The following ZNF514 variants were observed in gnomAD, a reference collection of about 807,000 sequenced individuals.
The protein encoded by ZNF514 is zinc finger protein 514.
ZNF514 carries 12 observed loss-of-function variants against 9.7 expected under a neutral mutation model. The observed-to-expected ratio is 1.24, with a 90% CI of 0.79 to 2.01. The LOEUF is 2.01. Among genes scored for constraint, ZNF514 ranks in the 30% most tolerant of loss-of-function variants. The pLI, the probability that ZNF514 is intolerant of heterozygous loss-of-function variation, is 0.00. For missense variants in ZNF514, 467 were observed against 465.5 expected (o/e 1.00, Z -0.03); for synonymous variants, 158 against 163.7 (o/e 0.97, Z 0.27).
downstream of ZNF514, among the ~76,000 whole-genome samples, chr2:95,144,266 G>T (rs1166436476): frequency 5.3e-5 from 8 of 152,252 alleles, no homozygotes; most frequent in East Asian, 1.5e-3. Flanking sequence ...ACTGACAGTT[G>T]GCCTCTACTT....
At chr2:95,153,799 A>T (rs1673609979) in intron 2 of ZNF514, 1 of 152,356 alleles carries the variant, frequency 6.6e-6, no homozygotes, top group African/African-American at 2.4e-5. Context: ...GGTCCTGGCC[A>T]GAACTATCCT....
chr2:95,151,693 G>A (rs1673550603), intron 4 of ZNF514, among the ~76,000 whole-genome samples: 1 of 152,184 alleles, frequency 6.6e-6, no homozygotes, highest in Non-Finnish European at 1.5e-5. Flanking sequence ...GGTCCCAGAG[G>A]CCAGTCAGAG....
In ZNF514 at chr2:95,148,956, T is replaced by G. The variant is rs535059730; in HGVS notation, c.*326A>C. Reference sequence around the variant, plus strand: ...AAGAATCAGTATGTAACTGAAGGCTTGCCACACTCACTGCATTGATAAGGC... The same window carrying G: ...AAGAATCAGTATGTAACTGAAGGCTGGCCACACTCACTGCATTGATAAGGC... On this transcript the variant is annotated 3_prime_UTR_variant, in exon 5 of 5. Coordinates refer to ENST00000295208, the MANE Select transcript of ZNF514 (RefSeq NM_032788.3). The G allele has an allele frequency of 7.4e-6, 2 of 271,122 alleles. No homozygotes were observed. The highest frequency in any genetic ancestry group is 9.6e-5 in the Admixed American group (2 of 20,928). The allele number at this position is 271,122 out of a possible 1,614,324, so 16.8% of individuals were successfully genotyped here.
At chr2:95,133,382 C>T in the ZNF514 span, among the ~76,000 whole-genome samples, 1 of 152,192 alleles carries the variant, frequency 6.6e-6, no homozygotes, top group Non-Finnish European at 1.5e-5. Context: ...TCACATACTG[C>T]ATGGCTTAAT....
chr2:95,140,262 C>G (rs1057316134), downstream of ZNF514, among the ~76,000 whole-genome samples: 2 of 151,990 alleles, frequency 1.3e-5, no homozygotes, highest in Non-Finnish European at 2.9e-5. Flanking sequence ...TGCACATGTA[C>G]CACAGAACTT....
rs774636700 is a variant in ZNF514, at chr2:95,149,599, C to T, written c.886G>A (p.Ala296Thr). 13 of 1,613,988 alleles carry T rather than the reference C, an allele frequency of 8.1e-6. No homozygotes were observed. The highest frequency in any genetic ancestry group is 1.1e-5 in the Non-Finnish European group (13 of 1,180,040). ...ATAAGGGATGAAGTGTGACCAAAGG[C>T]TCGTCCACATTCATTACATTTGTAG... Reference protein sequence around the residue: ...KPYKCNECGRAFGHTSSLIKH... With the variant: ...KPYKCNECGRTFGHTSSLIKH... Residue 296 changes from alanine to threonine, a missense_variant, in exon 5 of 5, where the codon GCC (alanine) becomes ACC (threonine). By Grantham distance (58) the Ala-to-Thr change is moderately conservative. Coordinates refer to ENST00000295208, the MANE Select transcript of ZNF514 (RefSeq NM_032788.3).
chr2:95,154,778 T>A (rs1324990419), intron 2 of ZNF514: 2 of 152,156 alleles, frequency 1.3e-5, no homozygotes, highest in Non-Finnish European at 2.9e-5. Context: ...CCAAAGACAA[T>A]ATACATCAGC....
chr2:95,149,419 T>G lies in ZNF514; in HGVS notation c.1066A>C (p.Ser356Arg). Residue 356 changes from serine to arginine, a missense_variant, in exon 5 of 5, where the codon AGT (serine) becomes CGT (arginine). Coordinates refer to ENST00000295208, the MANE Select transcript of ZNF514 (RefSeq NM_032788.3). ...CTGTAATGTTGAGTGAGAGATGAAC[T>G]CTGGCTGAAGGCTCTCCCACATTTA... ...CNKCGRAFSQSSSLTQHYRFH... is the reference protein window; with the variant it reads ...CNKCGRAFSQRSSLTQHYRFH... 6.2e-7 allele frequency: 1 copy of G among 1,614,150 alleles called. No individual in the cohort carries two copies. The highest frequency in any genetic ancestry group is 8.5e-7 in the Non-Finnish European group (1 of 1,180,012).
At chr2:95,131,558 A>G in the ZNF514 span, among the ~76,000 whole-genome samples, 1 of 152,294 alleles carries the variant, frequency 6.6e-6, no homozygotes, top group African/African-American at 2.4e-5. Flanking sequence ...TCTTCTTTCC[A>G]GTGTCGGGTG....
the ZNF514 span, among the ~76,000 whole-genome samples, chr2:95,133,673 A>G: frequency 6.6e-6 from 1 of 152,226 alleles, no homozygotes; most frequent in Non-Finnish European, 1.5e-5. Flanking sequence ...GCAATACAGT[A>G]TAACAACTAC....
chr2:95,150,489 G>A (rs983763052), intron 4 of ZNF514, among the ~76,000 whole-genome samples: 1 of 152,158 alleles, frequency 6.6e-6, no homozygotes, highest in Admixed American at 6.5e-5. Flanking sequence ...AAATCTGAGA[G>A]ATATGTGTTT....
chr2:95,152,707 C>T lies in ZNF514; in HGVS notation c.184G>A (p.Val62Met). Reference sequence around the variant, plus strand: ...GCTCCTGTTGAGATTTCTCTCTCCACCATGAAGGGCTCACCCCCTTCCTCC... The same window carrying T: ...GCTCCTGTTGAGATTTCTCTCTCCATCATGAAGGGCTCACCCCCTTCCTCC... ...QLEEGGEPFM[V>M]EREISTGAHS... The change falls in exon 4 of 5, where the codon GTG becomes ATG. Residue 62 changes from valine (V) to methionine (M), a missense_variant. Coordinates refer to ENST00000295208, the MANE Select transcript of ZNF514 (RefSeq NM_032788.3). The T allele has an allele frequency of 1.2e-6, 2 of 1,614,180 alleles. No homozygotes were observed. The highest frequency in any genetic ancestry group is 1.7e-6 in the Non-Finnish European group (2 of 1,180,034).
chr2:95,135,421 T>C, the ZNF514 span, among the ~76,000 whole-genome samples: 6 of 147,746 alleles, frequency 4.1e-5, no homozygotes, highest in African/African-American at 1.1e-4. Context: ...TTCTTTCTTT[T>C]TTTTTTTTTC....
At chr2:95,129,670 T>G in the ZNF514 span, among the ~76,000 whole-genome samples, 2 of 152,072 alleles carry the variant, frequency 1.3e-5, no homozygotes, top group Non-Finnish European at 2.9e-5. Context: ...GGACAGGGAT[T>G]CCACACCAGG....
At chr2:95,150,399 T>G (rs530975279) in intron 4 of ZNF514, 132 bp from the exon 5 acceptor site, 1 of 1,011,170 alleles carries the variant, frequency 9.9e-7, no homozygotes, top group African/African-American at 1.6e-5. Flanking sequence ...GACGTACAGA[T>G]TTTTTCAATA....
Position 95,149,541 on chromosome 2 carries a change from G to A in ZNF514, c.944C>T (p.Pro315Leu). The A allele has an allele frequency of 6.2e-7, 1 of 1,613,948 alleles. No homozygotes were observed. Among genetic ancestry groups the A allele is most frequent in the Non-Finnish European group, 8.5e-7 (1 of 1,179,976 alleles). The part of the protein sequence containing the change: ...KHQRTHTGEK[P>L]YECRECGRTF... Reference sequence around the variant, plus strand: ...TCTCCCACATTCCCGGCATTCATAGGGCTTTTCTCCAGTATGAGTCCTCTG... The same window carrying A: ...TCTCCCACATTCCCGGCATTCATAGAGCTTTTCTCCAGTATGAGTCCTCTG... Residue 315 changes from proline to leucine, a missense_variant, in exon 5 of 5, where the codon CCC becomes CTC. Transcript: ENST00000295208.
chr2:95,155,454 C>A (rs542415813), intron 2 of ZNF514: 1 of 152,364 alleles, frequency 6.6e-6, no homozygotes, highest in Admixed American at 6.5e-5. Context: ...CTACCATGGC[C>A]ATCCTGTCCC....
chr2:95,134,817 AG>A, the ZNF514 span, among the ~76,000 whole-genome samples: 1 of 152,346 alleles, frequency 6.6e-6, no homozygotes, highest in Non-Finnish European at 1.5e-5. Flanking sequence ...GTGGCTGTAC[AG>A]GTGTCCCAGC....
rs1025726035 is a variant in ZNF514 at position 95,146,137 on chromosome 2, T to G, written c.*3145A>C. On this transcript the variant is annotated 3_prime_UTR_variant, in exon 5 of 5. Coordinates refer to ENST00000295208, the MANE Select transcript of ZNF514 (RefSeq NM_032788.3). ...TTTTAAGGCAAATGCTGGTCAACTG[T>G]GCCTACAGGTCACTCATATTTATCT... is the stretch of plus-strand genomic sequence containing the variant. 2.0e-5 allele frequency among the ~76,000 whole-genome samples: 3 copies of G among 152,250 alleles called. No individual in the cohort carries two copies. The highest frequency in any genetic ancestry group is 7.2e-5 in the African/African-American group (3 of 41,466).
Sources: gnomAD v4.1 joint callset for allele counts (sites outside exome capture counted in the v4.1 genomes callset) on GRCh38, gnomAD v4.1.1 for gene constraint, MANE v1.5 for transcripts, NCBI Gene and HGNC (gene_info 2026-07-23, HGNC 2026-07-21) for gene names.